The following NBEA variants were observed in gnomAD, a reference collection of about 807,000 sequenced individuals.
NBEA encodes neurobeachin, also known as lysosomal-trafficking regulator 2.
In NBEA, 44 loss-of-function variants were observed where a neutral mutation model predicts 343.4. That is an observed-to-expected ratio of 0.13 (90% CI 0.10 to 0.16). The LOEUF (loss-of-function observed/expected upper bound fraction) is 0.16. Ranked by LOEUF, NBEA falls within the 10% of genes least tolerant of loss-of-function variation. The pLI is 1.00. For synonymous variants in NBEA, 1,175 were observed against 1,238.7 expected (o/e 0.95, Z 1.08); for missense variants, 2,555 against 3,631.3 (o/e 0.70, Z 7.62).
intron 33 of NBEA, among the ~76,000 whole-genome samples, chr13:35,224,516 GTCTT>G (rs1195690960): frequency 6.6e-6 from 1 of 152,050 alleles, no homozygotes; most frequent in East Asian, 1.9e-4. Context: ...AATTCACTGA[GTCTT>G]TCCTTGGCTT....
chr13:35,157,000 T>C, intron 20 of NBEA, 78 bp from the exon 21 acceptor site: 2 of 1,225,624 alleles, frequency 1.6e-6, no homozygotes, highest in Non-Finnish European at 2.2e-6. Context: ...TTCACTATTT[T>C]ATTTATCAAA....
intron 38 of NBEA, among the ~76,000 whole-genome samples, chr13:35,392,681 G>A (rs1594460459): frequency 6.6e-6 from 1 of 152,160 alleles, no homozygotes. Flanking sequence ...CAAGGGTTGT[G>A]CATAAGAACC....
At chr13:35,109,159 GA>G (rs1380567278) in intron 11 of NBEA, 130 bp from the exon 12 acceptor site, 1 of 801,752 alleles carries the variant, frequency 1.2e-6, no homozygotes, top group Non-Finnish European at 1.8e-6. Context: ...TAATAGCAAA[GA>G]AAACAAATGT....
chr13:35,172,203 T>C (rs1048817653), intron 26 of NBEA, among the ~76,000 whole-genome samples: 63 of 152,060 alleles, frequency 4.1e-4, no homozygotes, highest in African/African-American at 1.4e-3. Flanking sequence ...AATTCCTTTC[T>C]GATTCAAGAA....
intron 36 of NBEA, among the ~76,000 whole-genome samples, chr13:35,330,777 A>T (rs1444885416): frequency 6.6e-6 from 1 of 152,162 alleles, no homozygotes; most frequent in African/African-American, 2.4e-5. Flanking sequence ...TTGAGAGAAT[A>T]GCTTATCAAT....
rs568938061 is a variant in NBEA, at chr13:35,209,335, T to A, written c.5521+481T>A. On this transcript the variant is annotated intron_variant, in intron 32 of 58. Transcript: ENST00000379939. ...AGAACCTTGACGATATGCAAGCGCC[T>A]CAACTTGATAAAAAGTGCATGTGAA... Among the ~76,000 whole-genome samples, 28 of 152,266 alleles carry A rather than the reference T, an allele frequency of 1.8e-4. 1 individual carries two copies. The South Asian group carries it at 5.4e-3, about 29-fold the overall frequency.
intron 57 of NBEA, among the ~76,000 whole-genome samples, chr13:35,667,846 T>A (rs2153088368): frequency 6.6e-6 from 1 of 152,328 alleles, no homozygotes; most frequent in East Asian, 1.9e-4. Flanking sequence ...CTTTTATAAT[T>A]GTTTCAGTGC....
chr13:35,503,108 C>G (rs573609369), intron 41 of NBEA, among the ~76,000 whole-genome samples: 1 of 151,938 alleles, frequency 6.6e-6, no homozygotes, highest in Non-Finnish European at 1.5e-5. Flanking sequence ...CACTAATGAC[C>G]TTTATCAATC....
At chr13:35,647,800 C>T (rs1297502141) in intron 51 of NBEA, among the ~76,000 whole-genome samples, 3 of 151,986 alleles carry the variant, frequency 2.0e-5, no homozygotes, top group East Asian at 3.9e-4. Context: ...CTCCTGACCT[C>T]GTGATCTGCC....
intron 41 of NBEA, among the ~76,000 whole-genome samples, chr13:35,504,705 T>C (rs1031648098): frequency 2.0e-5 from 3 of 152,144 alleles, no homozygotes; most frequent in Non-Finnish European, 2.9e-5. Context: ...CAATTATGGC[T>C]CACTGTAGCC....
chr13:35,475,069 T>C (rs1022210574), intron 41 of NBEA: 1 of 1,611,408 alleles, frequency 6.2e-7, no homozygotes, highest in Non-Finnish European at 8.5e-7. Context: ...CTAAAGTTTT[T>C]CCAAACTTTT....
chr13:35,017,825 T>C (rs1019491174), intron 1 of NBEA, among the ~76,000 whole-genome samples: 3 of 152,174 alleles, frequency 2.0e-5, no homozygotes, highest in Non-Finnish European at 4.4e-5. Flanking sequence ...TGTCCTTTTG[T>C]GGCTTACTTA....
chr13:35,460,430 C>T (rs1399055841), intron 40 of NBEA, among the ~76,000 whole-genome samples: 9 of 152,190 alleles, frequency 5.9e-5, no homozygotes, highest in Non-Finnish European at 8.8e-5. Flanking sequence ...AACATTAATA[C>T]ATGCCTATTT....
intron 38 of NBEA, among the ~76,000 whole-genome samples, chr13:35,415,351 G>GT (rs1448775547): frequency 6.6e-6 from 1 of 152,098 alleles, no homozygotes; most frequent in African/African-American, 2.4e-5. Context: ...TTCTTCTGGG[G>GT]TTTTTATGGT....
intron 40 of NBEA, among the ~76,000 whole-genome samples, chr13:35,463,477 T>A (rs988745642): frequency 1.7e-4 from 26 of 151,852 alleles, no homozygotes; most frequent in Non-Finnish European, 3.4e-4. Context: ...TTTAAAAAAT[T>A]AGCCAGGTGT....
chr13:35,425,742 T>C (rs1328811940), intron 38 of NBEA, among the ~76,000 whole-genome samples: 2 of 152,190 alleles, frequency 1.3e-5, no homozygotes, highest in East Asian at 1.9e-4. Context: ...ATGTTGACAG[T>C]GGGGTGTGAA....
chr13:35,215,853 G>GT (rs1457725523), intron 33 of NBEA, among the ~76,000 whole-genome samples: 1 of 151,256 alleles, frequency 6.6e-6, no homozygotes, highest in East Asian at 1.9e-4. Flanking sequence ...TATAGATTTA[G>GT]TTTTTTTAAT....
At chr13:35,110,768 A>AT (rs1430420804) in intron 12 of NBEA, 42 bp from the exon 13 acceptor site, 2 of 1,524,668 alleles carry the variant, frequency 1.3e-6, no homozygotes, top group South Asian at 1.2e-5. Context: ...CACTTGAGGC[A>AT]TTTTAAATTC....
intron 38 of NBEA, among the ~76,000 whole-genome samples, chr13:35,383,099 G>A (rs1415799816): frequency 1.3e-5 from 2 of 152,122 alleles, no homozygotes; most frequent in Non-Finnish European, 2.9e-5. Context: ...TTATAGATTT[G>A]AGGAAATTTG....
Sources: gnomAD v4.1 joint callset for allele counts (sites outside exome capture counted in the v4.1 genomes callset) on GRCh38, gnomAD v4.1.1 for gene constraint, MANE v1.5 for transcripts, NCBI Gene and HGNC (gene_info 2026-07-23, HGNC 2026-07-21) for gene names.